The following SLC9B1 variants were observed in gnomAD, a reference collection of about 807,000 sequenced individuals.
The protein encoded by SLC9B1 is solute carrier family 9 member B1.
SLC9B1 carries 32 observed loss-of-function variants against 51.7 expected under a neutral mutation model. The ratio of observed to expected loss-of-function variants is 0.62; its 90% CI spans 0.47 to 0.83. The LOEUF (loss-of-function observed/expected upper bound fraction) is 0.83. Among genes scored for constraint, SLC9B1 ranks in the 40% least tolerant of loss-of-function variants. The pLI is 0.00. For synonymous variants in SLC9B1, 145 were observed against 212.7 expected (o/e 0.68, Z 2.77); for missense variants, 406 against 613.2 (o/e 0.66, Z 3.57).
chr4:102,969,587 AGGATC>A (rs1738636819), intron 3 of SLC9B1, among the ~76,000 whole-genome samples: 1 of 152,220 alleles, frequency 6.6e-6, no homozygotes, highest in South Asian at 2.1e-4. Flanking sequence ...TCTCCTCCAA[AGGATC>A]GGAGCTCCTC....
chr4:103,010,862 G>A (rs1196982674), intron 1 of SLC9B1, among the ~76,000 whole-genome samples: 1 of 152,312 alleles, frequency 6.6e-6, no homozygotes, highest in Middle Eastern at 3.4e-3. Flanking sequence ...GTTTCAACAT[G>A]AAATTGGAGG....
intron 9 of SLC9B1, among the ~76,000 whole-genome samples, chr4:102,909,222 C>T (rs1234726314): frequency 1.3e-5 from 2 of 151,562 alleles, no homozygotes; most frequent in Non-Finnish European, 2.9e-5. Context: ...TAGCACTTTG[C>T]GATGTCAAGT....
At chr4:103,008,985 G>C (rs1355973575) in intron 1 of SLC9B1, among the ~76,000 whole-genome samples, 1 of 151,920 alleles carries the variant, frequency 6.6e-6, no homozygotes, top group Non-Finnish European at 1.5e-5. Flanking sequence ...ATTTTTAGTA[G>C]AGACGGGTTT....
At chr4:102,998,147 T>C (rs758223855) in intron 1 of SLC9B1, among the ~76,000 whole-genome samples, 11 of 152,174 alleles carry the variant, frequency 7.2e-5, no homozygotes, top group Non-Finnish European at 1.5e-4. Flanking sequence ...AAACTGTGTA[T>C]GTATTAATTA....
chr4:103,016,317 C>T (rs190579088), intron 1 of SLC9B1, among the ~76,000 whole-genome samples: 41 of 152,116 alleles, frequency 2.7e-4, no homozygotes, highest in Middle Eastern at 3.4e-3. Context: ...TATTCTCAGT[C>T]TAAATATGCT....
At chr4:102,992,471 T>C (rs1201199831) in intron 1 of SLC9B1, among the ~76,000 whole-genome samples, 6 of 152,172 alleles carry the variant, frequency 3.9e-5, no homozygotes, top group Non-Finnish European at 7.4e-5. Flanking sequence ...TATCTATACT[T>C]TTCTAAAAGG....
Position 102,945,194 on chromosome 4 carries a change from C to T in SLC9B1, c.652G>A (p.Gly218Ser). ...KFPWQWAFLLGFVLGAVSPAV... is the reference protein window; with the variant it reads ...KFPWQWAFLLSFVLGAVSPAV... ...AAGAAAAAATGAGAAAGAAATTACC[C>T]TAATAGAAATGCCCATTGCCAGGGA... Residue 218 changes from glycine (G) to serine (S), a missense_variant and splice_region_variant, in exon 6 of 12, where the codon GGT becomes AGT. Coordinates refer to ENST00000296422, the MANE Select transcript of SLC9B1 (RefSeq NM_139173.4). 6.3e-7 allele frequency: 1 copy of T among 1,586,696 alleles called. No homozygotes were observed. The highest frequency in any genetic ancestry group is 8.6e-7 in the Non-Finnish European group (1 of 1,164,166).
chr4:102,974,948 G>A (rs1738974405), intron 3 of SLC9B1, among the ~76,000 whole-genome samples: 2 of 152,082 alleles, frequency 1.3e-5, no homozygotes, highest in East Asian at 3.8e-4. Context: ...GGACCCGTTG[G>A]GTACCTCAGG....
chr4:102,937,074 C>A (rs1278371551), intron 6 of SLC9B1, among the ~76,000 whole-genome samples: 1 of 152,036 alleles, frequency 6.6e-6, no homozygotes, highest in African/African-American at 2.4e-5. Flanking sequence ...CTCTACAATC[C>A]AAAAGAAATT....
chr4:103,002,495 G>T (rs1740577746), intron 1 of SLC9B1, among the ~76,000 whole-genome samples: 1 of 151,974 alleles, frequency 6.6e-6, no homozygotes, highest in African/African-American at 2.4e-5. Flanking sequence ...ACCAAGAAAA[G>T]AGAAAAAAAT....
intron 6 of SLC9B1, among the ~76,000 whole-genome samples, chr4:102,940,172 C>T (rs932895767): frequency 3.9e-5 from 6 of 152,184 alleles, no homozygotes; most frequent in African/African-American, 1.4e-4. Context: ...TTACAAAACT[C>T]AATGTACAAA....
At chr4:102,970,119 A>C (rs1433269723) in intron 3 of SLC9B1, among the ~76,000 whole-genome samples, 1 of 152,122 alleles carries the variant, frequency 6.6e-6, no homozygotes, top group Non-Finnish European at 1.5e-5. Context: ...CAACATTCAA[A>C]TTCAGGAAAT....
chr4:102,974,242 G>GAAAAAAAAAAAAAAAAA (rs141412944), intron 3 of SLC9B1, among the ~76,000 whole-genome samples: 1 of 53,456 alleles, frequency 1.9e-5, no homozygotes, highest in Non-Finnish European at 3.3e-5. Context: ...GTCTAAAATT[G>GAAAAAAAAAAAAAAAAA]AAAAAAAAAA....
intron 3 of SLC9B1, among the ~76,000 whole-genome samples, chr4:102,983,246 G>T (rs144318660): frequency 1.3e-5 from 2 of 152,174 alleles, no homozygotes; most frequent in East Asian, 1.9e-4. Flanking sequence ...ATCCCACTTG[G>T]TCATGGTCAT....
intron 3 of SLC9B1, among the ~76,000 whole-genome samples, chr4:102,963,747 A>C (rs1252974928): frequency 6.6e-6 from 1 of 152,246 alleles, no homozygotes; most frequent in Non-Finnish European, 1.5e-5. Flanking sequence ...TTTATAAATA[A>C]AATGTTATAA....
chr4:102,909,627 T>A (rs1735240133), intron 9 of SLC9B1, among the ~76,000 whole-genome samples: 1 of 151,580 alleles, frequency 6.6e-6, no homozygotes, highest in Non-Finnish European at 1.5e-5. Context: ...TGAACAACAC[T>A]GTTTATGACA....
At chr4:102,910,371 T>A in intron 9 of SLC9B1, 68 bp downstream of exon 9, 1 of 1,382,810 alleles carries the variant, frequency 7.2e-7, no homozygotes, top group Non-Finnish European at 9.7e-7. Flanking sequence ...AATGAGGGGA[T>A]TTCCTAAATA....
At chr4:102,929,814 G>T (rs1407040173) in intron 7 of SLC9B1, among the ~76,000 whole-genome samples, 2 of 152,216 alleles carry the variant, frequency 1.3e-5, no homozygotes, top group African/African-American at 4.8e-5. Flanking sequence ...GAGCCATTGG[G>T]CCCGGCCTGG....
chr4:102,935,089 T>C (rs531633187), intron 6 of SLC9B1, among the ~76,000 whole-genome samples: 13 of 152,186 alleles, frequency 8.5e-5, no homozygotes, highest in African/African-American at 1.4e-4. Flanking sequence ...ATTAAATATC[T>C]AGTGATATTT....
Sources: allele counts gnomAD v4.1 joint callset (sites outside exome capture counted in the v4.1 genomes callset), GRCh38; gene constraint gnomAD v4.1.1; transcripts MANE v1.5; gene names NCBI Gene and HGNC (gene_info 2026-07-23, HGNC 2026-07-21).